TBCE: variants seen among roughly 807,000 people sequenced by gnomAD.
TBCE encodes the protein tubulin-specific chaperone E.
In TBCE, 53 loss-of-function variants were observed where a neutral mutation model predicts 77.0. That is an observed-to-expected ratio of 0.69 (90% CI 0.55 to 0.87). The LOEUF is 0.87. TBCE is among the 40% of genes least tolerant of loss of function. The probability of loss-of-function intolerance (pLI) is 0.00; values close to 1 mark genes in which losing one functional copy is unlikely to be tolerated. For missense variants in TBCE, 624 were observed against 622.4 expected, an observed-to-expected ratio of 1.00 and a Z score of -0.03; for synonymous variants, 235 against 241.3, an observed-to-expected ratio of 0.97 and a Z score of 0.24.
chr1:235,416,337 C>T lies in TBCE; in HGVS notation c.371+1719C>T, dbSNP rs372653823. Among the ~76,000 whole-genome samples the T allele has an allele frequency of 2.4e-4, 37 of 151,800 alleles. No individual in the cohort carries two copies. In the East Asian group the frequency reaches 6.6e-3, roughly 27 times the overall value. The stretch of plus-strand genomic sequence containing the variant: ...AAATAGCCTGGGCAACATGGCAAAA[C>T]CCTGTCTCTACAAAAAAAATAAATA... On this transcript the variant is annotated intron_variant, in intron 4 of 16. Coordinates refer to ENST00000642610, the MANE Select transcript of TBCE (RefSeq NM_003193.5).
At position 235,367,472 on chromosome 1, in the gene TBCE, G is replaced by C. The variant is rs1052202138; in HGVS notation, c.-64G>C. The C allele has an allele frequency of 6.5e-6, 1 of 152,952 alleles. No homozygotes were observed. Among genetic ancestry groups the C allele is most frequent in the African/African-American group, 2.4e-5 (1 of 41,474 alleles). The allele number at this position is 152,952 out of a possible 1,614,324, so 9.5% of individuals were successfully genotyped here. A position where few individuals can be genotyped will look rare whatever the true frequency, so the allele number is the denominator to read the frequency against. ...TGCTGGGCAGTTGGCTGGAGGGGCT[G>C]CTGCTGGGAACACCTGGAGTCTCCG... On this transcript the variant is annotated 5_prime_UTR_variant, in exon 1 of 17. Coordinates refer to ENST00000642610, the MANE Select transcript of TBCE (RefSeq NM_003193.5).
chr1:235,377,897 C>T (rs559498410), intron 1 of TBCE, among the ~76,000 whole-genome samples: 21 of 151,876 alleles, frequency 1.4e-4, no homozygotes, highest in African/African-American at 3.6e-4. Flanking sequence ...GTGATCCACC[C>T]GCCTCGGCCT....
At chr1:235,419,780 C>T (rs112279583) in intron 5 of TBCE, among the ~76,000 whole-genome samples, 59 of 152,232 alleles carry the variant, frequency 3.9e-4, no homozygotes, top group African/African-American at 1.1e-3. Flanking sequence ...GTTTCTACAC[C>T]GGGCTCCTTG....
chr1:235,379,048 G>C (rs1677461879), intron 1 of TBCE, among the ~76,000 whole-genome samples: 1 of 152,142 alleles, frequency 6.6e-6, no homozygotes, highest in Admixed American at 6.6e-5. Context: ...CAAGGCATCA[G>C]GTAGCTGCTC....
intron 7 of TBCE, chr1:235,433,450 G>A (rs1681221905): frequency 6.4e-6 from 1 of 155,260 alleles, no homozygotes; most frequent in Non-Finnish European, 1.4e-5. Flanking sequence ...TCAAACTCCC[G>A]ACCTCAAGCA....
At chr1:235,381,685 CAAAAAAAAAAAAAAA>C (rs574997840) in intron 2 of TBCE, among the ~76,000 whole-genome samples, 77 of 43,212 alleles carry the variant, frequency 1.8e-3, no homozygotes, top group African/African-American at 6.9e-3. Context: ...ACTCCTTCTC[CAAAAAAAAAAAAAAA>C]AAAAAAAAAA....
intron 3 of TBCE, among the ~76,000 whole-genome samples, chr1:235,405,115 A>T (rs1439180603): frequency 6.6e-6 from 1 of 151,510 alleles, no homozygotes; most frequent in East Asian, 2.0e-4. Flanking sequence ...GGCGCATGTC[A>T]CCATGCCCAG....
intron 5 of TBCE, among the ~76,000 whole-genome samples, chr1:235,426,672 G>A (rs571036250): frequency 6.6e-6 from 1 of 152,312 alleles, no homozygotes; most frequent in Admixed American, 6.5e-5. Flanking sequence ...TTTTGAGACA[G>A]TCTCACTCTG....
rs1679778624 is a variant in TBCE at position 235,411,448 on chromosome 1, C to T, written c.186-2985C>T. ...TTCCTTTGGGTTGGGGGGCGGGTCC[C>T]CTCAGTGTCCTCCTTTCTGTGGTTC... On this transcript the variant is annotated intron_variant, in intron 3 of 16. Coordinates refer to ENST00000642610, the MANE Select transcript of TBCE (RefSeq NM_003193.5). Among the ~76,000 whole-genome samples, 3 of 151,848 alleles carry T rather than the reference C, an allele frequency of 2.0e-5. No individual in the cohort carries two copies. In the South Asian group the frequency reaches 6.2e-4, roughly 31 times the overall value.
At chr1:235,395,554 T>C (rs1678674278) in intron 2 of TBCE, among the ~76,000 whole-genome samples, 1 of 151,126 alleles carries the variant, frequency 6.6e-6, no homozygotes. Flanking sequence ...TCTTCTTTTT[T>C]TTTTTTTTAA....
chr1:235,441,724 C>T (rs147789205), intron 13 of TBCE, 90 bp from the exon 14 acceptor site: 39 of 1,226,584 alleles, frequency 3.2e-5, no homozygotes, highest in Middle Eastern at 1.9e-4. Flanking sequence ...GCTCTCTGGA[C>T]GCTTACCTAT....
chr1:235,396,767 T>C (rs963442278), intron 2 of TBCE, among the ~76,000 whole-genome samples: 1 of 152,174 alleles, frequency 6.6e-6, no homozygotes, highest in African/African-American at 2.4e-5. Flanking sequence ...CTGCTTGCCA[T>C]TTGTATGCCT....
intron 1 of TBCE, among the ~76,000 whole-genome samples, chr1:235,371,989 C>CATTTTTTT (rs1350287903): frequency 6.7e-6 from 1 of 148,850 alleles, no homozygotes; most frequent in African/African-American, 2.5e-5. Context: ...TTCATTTTTT[C>CATTTTTTT]ATTTTTTTGT....
At chr1:235,447,485 C>T (rs1038561864) in intron 15 of TBCE, among the ~76,000 whole-genome samples, 4 of 152,132 alleles carry the variant, frequency 2.6e-5, no homozygotes, top group African/African-American at 9.7e-5. Context: ...CATTCCCATG[C>T]CTGGCAGTCA....
intron 8 of TBCE, 45 bp from the exon 9 acceptor site, chr1:235,435,700 A>G: frequency 6.5e-7 from 1 of 1,544,210 alleles, no homozygotes; most frequent in Non-Finnish European, 9.0e-7. Context: ...TTTGAAAACA[A>G]TTAAGAGATA....
chr1:235,432,952 G>T, intron 7 of TBCE: 3 of 1,384,444 alleles, frequency 2.2e-6, no homozygotes, highest in Non-Finnish European at 2.8e-6. Context: ...TTAGGCTCAT[G>T]CGCAGTGTGG....
chr1:235,443,065 C>A (rs1682003641), intron 15 of TBCE, 154 bp downstream of exon 15: 1 of 762,364 alleles, frequency 1.3e-6, no homozygotes, highest in Non-Finnish European at 2.2e-6. Flanking sequence ...TACAATCAAT[C>A]ATGCTAATAT....
chr1:235,404,428 A>T (rs1248698247), intron 3 of TBCE, among the ~76,000 whole-genome samples: 1 of 152,132 alleles, frequency 6.6e-6, no homozygotes, highest in Non-Finnish European at 1.5e-5. Flanking sequence ...TCATAAAAAA[A>T]AAAAAGATAG....
rs934156742 is a variant in TBCE, at chr1:235,367,495, C to T, written c.-41C>T. 2.6e-5 allele frequency: 4 copies of T among 153,002 alleles called. No homozygotes were observed. The highest frequency in any genetic ancestry group is 9.6e-5 in the African/African-American group (4 of 41,480). 9.5% of individuals were successfully genotyped at this position (153,002 alleles called of 1,614,324 possible). The stretch of plus-strand genomic sequence containing the variant: ...CTGCTGCTGGGAACACCTGGAGTCT[C>T]CGCGGGCAGGTGAGCTTCAGAGGTT... On this transcript the variant is annotated 5_prime_UTR_variant, in exon 1 of 17. Coordinates refer to ENST00000642610, the MANE Select transcript of TBCE (RefSeq NM_003193.5).
Sources: allele counts gnomAD v4.1 joint callset (sites outside exome capture counted in the v4.1 genomes callset), GRCh38; gene constraint gnomAD v4.1.1; transcripts MANE v1.5; gene names NCBI Gene and HGNC (gene_info 2026-07-23, HGNC 2026-07-21).